Variants in PCLO observed in about 807,000 individuals in gnomAD.
PCLO encodes the protein protein piccolo.
A neutral mutation model predicts 427.5 loss-of-function variants in PCLO; 82 were observed. That is an observed-to-expected ratio of 0.19 (90% CI 0.16 to 0.23). The LOEUF is 0.23. Ranked by LOEUF, PCLO falls within the 10% of genes least tolerant of loss-of-function variation. PCLO has a pLI of 1.00. For synonymous variants in PCLO, 2,357 were observed against 2,155.4 expected (o/e 1.09, Z -2.59); for missense variants, 6,239 against 6,115.9 (o/e 1.02, Z -0.67).
intron 3 of PCLO, among the ~76,000 whole-genome samples, chr7:82,992,037 A>G (rs925690263): frequency 6.6e-6 from 1 of 152,152 alleles, no homozygotes. Context: ...ATATTTTAAG[A>G]AAGATTTTGC....
At chr7:82,835,231 A>G (rs1411167747) in intron 16 of PCLO, among the ~76,000 whole-genome samples, 1 of 152,140 alleles carries the variant, frequency 6.6e-6, no homozygotes, top group Non-Finnish European at 1.5e-5. Flanking sequence ...GGCGTGAGCC[A>G]CCGTGCCTGA....
chr7:82,894,502 T>C (rs1793852422), intron 9 of PCLO: 1 of 152,228 alleles, frequency 6.6e-6, no homozygotes, highest in Non-Finnish European at 1.5e-5. Context: ...AACTCCTCCT[T>C]ATAAAACCAT....
intron 3 of PCLO, among the ~76,000 whole-genome samples, chr7:83,053,791 T>C (rs1020764632): frequency 6.6e-6 from 1 of 151,940 alleles, no homozygotes; most frequent in Non-Finnish European, 1.5e-5. Flanking sequence ...AAATATTTTA[T>C]GTAACTGAAA....
chr7:82,765,554 C>G (rs1035774591), intron 22 of PCLO, among the ~76,000 whole-genome samples: 1 of 152,070 alleles, frequency 6.6e-6, no homozygotes, highest in East Asian at 1.9e-4. Context: ...TTAGAAATGA[C>G]ATGTGTTCTC....
intron 20 of PCLO, among the ~76,000 whole-genome samples, chr7:82,819,252 A>G (rs1791740601): frequency 6.6e-6 from 1 of 152,152 alleles, no homozygotes; most frequent in Admixed American, 6.6e-5. Flanking sequence ...TTATGATTTT[A>G]ATGAAGAGTG....
intron 3 of PCLO, among the ~76,000 whole-genome samples, chr7:83,061,993 T>C (rs1789554349): frequency 6.6e-6 from 1 of 152,192 alleles, no homozygotes; most frequent in Non-Finnish European, 1.5e-5. Context: ...CCCATTGCCT[T>C]ATTCAGGTTA....
At chr7:83,056,238 C>A (rs899971236) in intron 3 of PCLO, among the ~76,000 whole-genome samples, 3 of 151,896 alleles carry the variant, frequency 2.0e-5, no homozygotes, top group African/African-American at 7.3e-5. Context: ...ATTTTGAGAT[C>A]CTTATGCACA....
At chr7:82,767,075 G>A (rs1006233245) in intron 22 of PCLO, among the ~76,000 whole-genome samples, 16 of 152,074 alleles carry the variant, frequency 1.1e-4, no homozygotes, top group Admixed American at 3.3e-4. Flanking sequence ...AAAATCCTCC[G>A]TGTTTGCAGG....
chr7:82,971,480 A>T, intron 3 of PCLO, among the ~76,000 whole-genome samples: 1 of 149,148 alleles, frequency 6.7e-6, no homozygotes, highest in East Asian at 1.9e-4. Context: ...CTGGTGGTCT[A>T]TTATATCAAA....
At chr7:82,870,198 A>G (rs1266833692) in intron 10 of PCLO, among the ~76,000 whole-genome samples, 2 of 152,066 alleles carry the variant, frequency 1.3e-5, no homozygotes, top group Admixed American at 6.6e-5. Context: ...ATATACTACA[A>G]TGGTATACTA....
rs1176267922 is a variant in PCLO at position 82,954,921 on chromosome 7, T to C, written c.6032A>G (p.Gln2011Arg). 2 of 1,613,684 alleles carry C rather than the reference T, an allele frequency of 1.2e-6. No individual in the cohort carries two copies. The highest frequency in any genetic ancestry group is 3.3e-5 in the Admixed American group (2 of 59,962). ...GCTTTCTAACTCATAAAACTCTTTCTGGAGGTCTGTAATTTTCTGCATAGG... is the reference window on the plus strand; with the variant it reads ...GCTTTCTAACTCATAAAACTCTTTCCGGAGGTCTGTAATTTTCTGCATAGG... ...EDPMQKITDL[Q>R]KEFYELESLH... The change falls in exon 5 of 25, where the codon CAG becomes CGG. Residue 2011 changes from glutamine to arginine, a missense_variant. Transcript: ENST00000333891.
At position 82,966,481 on chromosome 7, in the gene PCLO, C is replaced by G. The variant is rs780629154; in HGVS notation, c.3307G>C (p.Glu1103Gln). 1.3e-6 allele frequency: 2 copies of G among 1,557,908 alleles called. No homozygotes were observed. Among genetic ancestry groups the G allele is most frequent in the South Asian group, 2.4e-5 (2 of 83,224 alleles). The part of the protein sequence containing the change: ...NPTPHLTEIQ[E>Q]WLCLNCQTQR... ...GTTTGGCAATTTAAACAAAGCCATT[C>G]TTGAATCTGTGGGAAAAAAATTACA... The change falls in exon 4 of 25, where the codon GAA becomes CAA. Residue 1103 changes from glutamate to glutamine, a missense_variant. Coordinates refer to ENST00000333891, the MANE Select transcript of PCLO (RefSeq NM_033026.6).
chr7:82,824,375 A>T lies in PCLO; in HGVS notation c.14457T>A (p.Thr4819=). The change falls in exon 19 of 25, where the codon ACT becomes ACA. Residue 4819 remains threonine, a synonymous_variant. Transcript: ENST00000333891. ...DLSSTSHLDN[T]PRWYPLKEQT... is the part of the protein sequence containing the mutation. ...GTTCTTTGAGAGGATACCACCTTGGAGTGTTATCGAGGTGAGATGTGCTAG... is the reference window on the plus strand; with the variant it reads ...GTTCTTTGAGAGGATACCACCTTGGTGTGTTATCGAGGTGAGATGTGCTAG... The T allele has an allele frequency of 6.2e-7, 1 of 1,611,880 alleles. No homozygotes were observed. The highest frequency in any genetic ancestry group is 8.5e-7 in the Non-Finnish European group (1 of 1,178,444).
At chr7:83,162,035 T>G (rs764289633) in intron 1 of PCLO, among the ~76,000 whole-genome samples, 1 of 152,206 alleles carries the variant, frequency 6.6e-6, no homozygotes, top group Non-Finnish European at 1.5e-5. Context: ...ACTTCCAGAT[T>G]AGTAAAACAC....
chr7:83,082,038 T>C (rs940813630), intron 3 of PCLO, among the ~76,000 whole-genome samples: 7 of 151,582 alleles, frequency 4.6e-5, no homozygotes, highest in African/African-American at 9.7e-5. Context: ...AGATATTAGA[T>C]GAAATGATAC....
chr7:82,900,324 T>C (rs1584121156), intron 9 of PCLO, among the ~76,000 whole-genome samples: 1 of 151,812 alleles, frequency 6.6e-6, no homozygotes, highest in East Asian at 1.9e-4. Context: ...ACCCCGTTTG[T>C]TGTATCAGTG....
At chr7:82,877,938 C>A (rs145982135) in intron 10 of PCLO, among the ~76,000 whole-genome samples, 72 of 152,272 alleles carry the variant, frequency 4.7e-4, no homozygotes, top group African/African-American at 1.5e-3. Flanking sequence ...TTCCAAAGTG[C>A]CTCCCAAAGT....
chr7:82,827,808 A>G, intron 17 of PCLO, 65 bp downstream of exon 17: 1 of 894,260 alleles, frequency 1.1e-6, no homozygotes, highest in Non-Finnish European at 1.7e-6. Context: ...CAATTTTTGA[A>G]TAATTGTGTT....
intron 22 of PCLO, among the ~76,000 whole-genome samples, chr7:82,783,407 G>A (rs1255907761): frequency 2.0e-5 from 3 of 152,166 alleles, no homozygotes; most frequent in Non-Finnish European, 1.5e-5. Context: ...GACGTCAGGA[G>A]ATCGAGACCA....
Sources: allele counts gnomAD v4.1 joint callset (sites outside exome capture counted in the v4.1 genomes callset), GRCh38; gene constraint gnomAD v4.1.1; transcripts MANE v1.5; gene names NCBI Gene and HGNC (gene_info 2026-07-23, HGNC 2026-07-21).